Variants in NDC1 observed in about 807,000 individuals in gnomAD.
NDC1 encodes NDC1 transmembrane nucleoporin.
NDC1 carries 24 observed loss-of-function variants against 89.8 expected under a neutral mutation model. The ratio of observed to expected loss-of-function variants is 0.27; its 90% CI spans 0.19 to 0.38. The LOEUF is 0.38. Ranked by LOEUF, NDC1 falls within the 10% of genes least tolerant of loss-of-function variation. NDC1 has a pLI of 1.00. For synonymous variants in NDC1, 296 were observed against 284.8 expected (o/e 1.04, Z -0.39); for missense variants, 728 against 797.6 (o/e 0.91, Z 1.05).
At position 53,793,292 on chromosome 1, in the gene NDC1, AAAGG is replaced by A; in HGVS notation, c.1585-17_1585-14del. On this transcript the variant is annotated splice_polypyrimidine_tract_variant and intron_variant, in intron 13 of 17. Coordinates refer to ENST00000371429, the MANE Select transcript of NDC1 (RefSeq NM_018087.5). The stretch of plus-strand genomic sequence containing the variant: ...AGAAATTCTTAATCTGAGTTGGAAA[AAAGG>A]AAGAATTAACACATTTACCTTTTAA... 6.3e-7 allele frequency: 1 copy of A among 1,597,758 alleles called. No individual in the cohort carries two copies. Among genetic ancestry groups the A allele is most frequent in the Non-Finnish European group, 8.6e-7 (1 of 1,165,028 alleles).
In NDC1 at chr1:53,808,313, G is replaced by A. The variant is rs568543815; in HGVS notation, c.756-522C>T. On this transcript the variant is annotated intron_variant, in intron 7 of 17. Coordinates refer to ENST00000371429, the MANE Select transcript of NDC1 (RefSeq NM_018087.5). ...TGCCATCTTTCCAAAACTTTGACTA[G>A]ATCAATTAGCAAAGTTATTATAATC... Among the ~76,000 whole-genome samples, 74 of 152,166 alleles carry A rather than the reference G, an allele frequency of 4.9e-4. 1 individual carries two copies. The highest frequency in any genetic ancestry group is 1.0e-3 in the Non-Finnish European group (70 of 68,044).
intron 6 of NDC1, among the ~76,000 whole-genome samples, chr1:53,813,889 C>T (rs12738083): frequency 0.029 from 4,400 of 152,208 alleles, 98 homozygotes; most frequent in Middle Eastern, 0.044. Flanking sequence ...TAAAACAAAC[C>T]TCAATAAATT....
intron 6 of NDC1, among the ~76,000 whole-genome samples, chr1:53,818,591 G>A (rs779099752): frequency 3.3e-5 from 5 of 152,058 alleles, no homozygotes; most frequent in Non-Finnish European, 7.4e-5. Flanking sequence ...CAACTCTCCA[G>A]GCTGACAACC....
At chr1:53,838,120 C>A in intron 1 of NDC1, 85 bp downstream of exon 1, 1 of 1,314,004 alleles carries the variant, frequency 7.6e-7, no homozygotes, top group Non-Finnish European at 1.0e-6. Context: ...GACCGGCCCT[C>A]CCCCGCCCAG....
At chr1:53,786,344 C>G (rs1325787564) in intron 16 of NDC1, among the ~76,000 whole-genome samples, 1 of 152,168 alleles carries the variant, frequency 6.6e-6, no homozygotes, top group Non-Finnish European at 1.5e-5. Flanking sequence ...GAAAAAGAAG[C>G]CTACTGCAAA....
intron 1 of NDC1, among the ~76,000 whole-genome samples, chr1:53,837,736 A>C (rs1649283831): frequency 6.6e-6 from 1 of 152,234 alleles, no homozygotes; most frequent in African/African-American, 2.4e-5. Context: ...CGTAACTTTA[A>C]GGAGGAAGTA....
intron 15 of NDC1, among the ~76,000 whole-genome samples, chr1:53,787,859 A>G (rs1647355672): frequency 1.3e-5 from 1 of 74,914 alleles, no homozygotes. Context: ...AATATGTGCC[A>G]GGAAATTAAA....
intron 16 of NDC1, among the ~76,000 whole-genome samples, chr1:53,777,798 T>A (rs1647174859): frequency 6.6e-6 from 1 of 152,128 alleles, no homozygotes. Context: ...TCACTGAGCT[T>A]TGACCTCCCA....
intron 10 of NDC1, among the ~76,000 whole-genome samples, chr1:53,803,630 A>G (rs982187924): frequency 3.3e-5 from 5 of 151,944 alleles, no homozygotes; most frequent in South Asian, 2.1e-4. Flanking sequence ...GGAGTGCAGT[A>G]GCGCAATCTC....
At chr1:53,805,531 C>T (rs1393145773) in intron 9 of NDC1, among the ~76,000 whole-genome samples, 1 of 152,192 alleles carries the variant, frequency 6.6e-6, no homozygotes, top group Non-Finnish European at 1.5e-5. Context: ...CAGGATCACA[C>T]ATACTGTAGA....
At chr1:53,813,502 T>A (rs543775382) in intron 6 of NDC1, among the ~76,000 whole-genome samples, 63 of 152,202 alleles carry the variant, frequency 4.1e-4, no homozygotes, top group African/African-American at 1.3e-3. Context: ...ACAAAACAAA[T>A]TTTAAAGCAA....
chr1:53,807,837 C>T lies in NDC1; in HGVS notation c.756-46G>A, dbSNP rs756473207. 23 of 1,552,786 alleles carry T rather than the reference C, an allele frequency of 1.5e-5. No homozygotes were observed. In the Admixed American group the frequency reaches 4.0e-4, roughly 27 times the overall value. On this transcript the variant is annotated intron_variant, in intron 7 of 17. Transcript: ENST00000371429. Reference sequence around the variant, plus strand: ...ATTAATCCTCTAGGAAAAATGCAATCTAAATATTAACACACTTAAGTCTCC... The same window carrying T: ...ATTAATCCTCTAGGAAAAATGCAATTTAAATATTAACACACTTAAGTCTCC...
chr1:53,771,310 G>T (rs1485852137), intron 17 of NDC1, among the ~76,000 whole-genome samples: 1 of 152,138 alleles, frequency 6.6e-6, no homozygotes, highest in Admixed American at 6.5e-5. Flanking sequence ...GAGAAAGAAA[G>T]ACTTGATTTC....
chr1:53,793,360 A>G (rs1647584967), intron 13 of NDC1, 81 bp from the exon 14 acceptor site: 1 of 1,137,378 alleles, frequency 8.8e-7, no homozygotes, highest in Non-Finnish European at 1.3e-6. Flanking sequence ...GTTCTTCCAG[A>G]CAGTAACTTA....
At chr1:53,836,589 G>A (rs766209616) in intron 1 of NDC1, among the ~76,000 whole-genome samples, 9 of 151,874 alleles carry the variant, frequency 5.9e-5, no homozygotes, top group Non-Finnish European at 1.3e-4. Context: ...TCCTCCTCCC[G>A]GGTTCAAGTG....
At chr1:53,787,358 A>G (rs1647338437) in intron 15 of NDC1, 100 bp from the exon 16 acceptor site, 1 of 720,770 alleles carries the variant, frequency 1.4e-6, no homozygotes, top group African/African-American at 1.8e-5. Context: ...GAATATAAAA[A>G]GAAATAAAGG....
intron 6 of NDC1, among the ~76,000 whole-genome samples, chr1:53,818,163 G>A (rs111578074): frequency 0.12 from 17,821 of 152,132 alleles, 1,177 homozygotes; most frequent in Non-Finnish European, 0.15. Flanking sequence ...TAGGCCGGGC[G>A]TGGTGGCTCA....
chr1:53,829,093 G>A (rs4927040), intron 3 of NDC1, among the ~76,000 whole-genome samples: 16,063 of 152,160 alleles, frequency 0.11, 935 homozygotes, highest in Non-Finnish European at 0.13. Context: ...GAGCTAGGGA[G>A]GCAACTATGG....
At chr1:53,768,181 A>C (rs1461253312) in intron 17 of NDC1, 148 bp from the exon 18 acceptor site, 2 of 533,848 alleles carry the variant, frequency 3.7e-6, no homozygotes, top group Middle Eastern at 4.9e-4. Context: ...GCTGGATGAA[A>C]ACTCTTTTTA....
Sources: allele counts gnomAD v4.1 joint callset (sites outside exome capture counted in the v4.1 genomes callset), GRCh38; gene constraint gnomAD v4.1.1; transcripts MANE v1.5; gene names NCBI Gene and HGNC (gene_info 2026-07-23, HGNC 2026-07-21).